RASGRP2: variants seen among roughly 807,000 people sequenced by gnomAD.
RASGRP2 encodes the protein RAS guanyl-releasing protein 2.
A neutral mutation model predicts 71.0 loss-of-function variants in RASGRP2; 44 were observed. That is an observed-to-expected ratio of 0.62 (90% CI 0.49 to 0.80). The LOEUF (loss-of-function observed/expected upper bound fraction) is 0.80, where lower values mean the gene tolerates loss of function less well. Ranked by LOEUF, RASGRP2 falls within the 30% of genes least tolerant of loss-of-function variation. RASGRP2 has a pLI of 0.00. For missense variants in RASGRP2, 663 were observed against 813.4 expected (o/e 0.82, Z 2.25); for synonymous variants, 350 against 330.7 (o/e 1.06, Z -0.63).
Position 64,739,183 on chromosome 11 carries a change from C to CT in RASGRP2, c.813+176dup, listed in dbSNP as rs1246121902. Among the ~76,000 whole-genome samples the CT allele has an allele frequency of 6.6e-6, 1 of 151,822 alleles. No homozygotes were observed. Among genetic ancestry groups the CT allele is most frequent in the Non-Finnish European group, 1.5e-5 (1 of 67,956 alleles). The stretch of plus-strand genomic sequence containing the variant: ...TACTAGCTTTGGGGTCCCTGACGAC[C>CT]TGTGAGCCCCCACTCTGCTGTTGCC... On this transcript the variant is annotated intron_variant, in intron 8 of 16. Transcript: ENST00000394432. This position sits in a 1 kb window ranked among gnomAD's most constrained non-coding sequence, Gnocchi z 4.2.
chr11:64,735,775 C>CT lies in RASGRP2; in HGVS notation c.1174-112dup. On this transcript the variant is annotated intron_variant, in intron 10 of 16. Coordinates refer to ENST00000394432, the MANE Select transcript of RASGRP2 (RefSeq NM_001098671.2). This position sits in a 1 kb window ranked among gnomAD's most constrained non-coding sequence, Gnocchi z 4.2. Reference sequence around the variant, plus strand: ...GGGAAGTCTGCCCAACACTACTGCCCTACCCCCAGGATGCCTCTGTCCTAC... The same window carrying CT: ...GGGAAGTCTGCCCAACACTACTGCCCTTACCCCCAGGATGCCTCTGTCCTAC... 1 of 1,493,752 alleles carries CT rather than the reference C, an allele frequency of 6.7e-7. No homozygotes were observed. The highest frequency in any genetic ancestry group is 9.1e-7 in the Non-Finnish European group (1 of 1,095,008). 92.5% of individuals were successfully genotyped at this position (1,493,752 alleles called of 1,614,324 possible).
Position 64,743,643 on chromosome 11 carries a change from T to C in RASGRP2, c.-72+360A>G. 2.4e-6 allele frequency: 1 copy of C among 422,224 alleles called. No homozygotes were observed. The highest frequency in any genetic ancestry group is 4.7e-6 in the Non-Finnish European group (1 of 212,300). The allele number at this position is 422,224 out of a possible 1,614,324, so 26.2% of individuals were successfully genotyped here. A position where few individuals can be genotyped will look rare whatever the true frequency, so the allele number is the denominator to read the frequency against. ...GTCCCAGGGGTCCCGGCTCAGCTTGTCCACAGGCCCTCTTCCTCCCTATCC... is the reference window on the plus strand; with the variant it reads ...GTCCCAGGGGTCCCGGCTCAGCTTGCCCACAGGCCCTCTTCCTCCCTATCC... On this transcript the variant is annotated intron_variant, in intron 1 of 16. Coordinates refer to ENST00000394432, the MANE Select transcript of RASGRP2 (RefSeq NM_001098671.2). The surrounding 1 kb of genome is among the most constrained non-coding windows in gnomAD (Gnocchi z 4.9).
intron 15 of RASGRP2, 49 bp from the exon 16 acceptor site, chr11:64,727,409 T>C: frequency 6.3e-7 from 1 of 1,580,048 alleles, no homozygotes; most frequent in Non-Finnish European, 8.7e-7. Context: ...TCCCTGGGAC[T>C]TCATCAACCC....
chr11:64,739,797 G>T lies in RASGRP2; in HGVS notation c.535C>A (p.His179Asn). Reference protein sequence around the residue: ...SFCKILFQDYHSFVTHGCTVD... With the variant: ...SFCKILFQDYNSFVTHGCTVD... ...GTGCAGCCATGAGTCACGAAACTGT[G>T]ATAGTCCTGAAACTGGGGGCATGAG... The change falls in exon 7 of 17, where the codon CAC (histidine) becomes AAC (asparagine). Residue 179 changes from histidine to asparagine, a missense_variant. His to Asn is a moderately conservative substitution (Grantham distance 68). Coordinates refer to ENST00000394432, the MANE Select transcript of RASGRP2 (RefSeq NM_001098671.2). This position sits in a 1 kb window ranked among gnomAD's most constrained non-coding sequence, Gnocchi z 4.2. 6.2e-7 allele frequency: 1 copy of T among 1,613,838 alleles called. No homozygotes were observed. The highest frequency in any genetic ancestry group is 8.5e-7 in the Non-Finnish European group (1 of 1,179,928).
At position 64,736,883 on chromosome 11, in the gene RASGRP2, A is replaced by C. The variant is rs367926669; in HGVS notation, c.965T>G (p.Leu322Arg). Residue 322 changes from leucine (L) to arginine (R), a missense_variant, in exon 9 of 17, where the codon CTG becomes CGG. Physicochemically the swap from Leu to Arg is moderately radical, Grantham distance 102 (BLOSUM62 -2). Coordinates refer to ENST00000394432, the MANE Select transcript of RASGRP2 (RefSeq NM_001098671.2). ...VALQLALPDW[L>R]DPARTRLNGA... ...GTTGAGCCGGGTCCGGGCTGGGTCCAGCCAGTCAGGCAGTGCCAGCTGCAG... is the reference window on the plus strand; with the variant it reads ...GTTGAGCCGGGTCCGGGCTGGGTCCCGCCAGTCAGGCAGTGCCAGCTGCAG... 2.7e-5 allele frequency: 43 copies of C among 1,613,898 alleles called. No individual in the cohort carries two copies. The highest frequency in any genetic ancestry group is 3.6e-5 in the Non-Finnish European group (43 of 1,180,038).
chr11:64,729,148 G>T, intron 14 of RASGRP2, 106 bp from the exon 15 acceptor site: 2 of 1,145,294 alleles, frequency 1.7e-6, no homozygotes, highest in Non-Finnish European at 2.5e-6. Flanking sequence ...TTCCTGAGCA[G>T]CTGCCCCACC....
rs75259448 is a variant in RASGRP2 at position 64,735,402 on chromosome 11, G to A, written c.1296+140C>T. On this transcript the variant is annotated intron_variant, in intron 11 of 16. Transcript: ENST00000394432. This position sits in a 1 kb window ranked among gnomAD's most constrained non-coding sequence, Gnocchi z 4.2. Reference sequence around the variant, plus strand: ...CCCTACCCAGGGGCACTTCAGCCCCGTGCAGCTGGCCTGCCAGGCCCTGTG... The same window carrying A: ...CCCTACCCAGGGGCACTTCAGCCCCATGCAGCTGGCCTGCCAGGCCCTGTG... 6.5e-4 allele frequency: 926 copies of A among 1,434,506 alleles called. 3 individuals are homozygous for A. In the African/African-American group the frequency reaches 0.012, roughly 18 times the overall value. The allele number at this position is 1,434,506 out of a possible 1,614,324, so 88.9% of individuals were successfully genotyped here.
Position 64,735,158 on chromosome 11 carries a change from C to A in RASGRP2, c.1366G>T (p.Gly456Trp). ...AAGGCGCTGAGGTAAGGGAAGTTCCCACGGATGATCTGGAATTCTTCCTGT... is the reference window on the plus strand; with the variant it reads ...AAGGCGCTGAGGTAAGGGAAGTTCCAACGGATGATCTGGAATTCTTCCTGT... ...ISQEEFQIIR[G>W]NFPYLSAFGD... The change falls in exon 12 of 17, where the codon GGG (glycine) becomes TGG (tryptophan). Residue 456 changes from glycine (G) to tryptophan (W), a missense_variant. Coordinates refer to ENST00000394432, the MANE Select transcript of RASGRP2 (RefSeq NM_001098671.2). The surrounding 1 kb of genome is among the most constrained non-coding windows in gnomAD (Gnocchi z 4.2). 6.2e-7 allele frequency: 1 copy of A among 1,614,226 alleles called. No homozygotes were observed. Among genetic ancestry groups the A allele is most frequent in the Non-Finnish European group, 8.5e-7 (1 of 1,180,046 alleles).
At position 64,742,959 on chromosome 11, in the gene RASGRP2, G is replaced by C; in HGVS notation, c.-71-22C>G. The C allele has an allele frequency of 6.6e-7, 1 of 1,519,950 alleles. No individual in the cohort carries two copies. Among genetic ancestry groups the C allele is most frequent in the Non-Finnish European group, 8.8e-7 (1 of 1,138,492 alleles). 94.2% of individuals were successfully genotyped at this position (1,519,950 alleles called of 1,614,324 possible). A position where few individuals can be genotyped will look rare whatever the true frequency, so the allele number is the denominator to read the frequency against. The stretch of plus-strand genomic sequence containing the variant: ...ACCCCTGTCCCGGGAGAGGCAGAGC[G>C]GGAGTCTGCGGAGTCGCGGGCGGGG... On this transcript the variant is annotated intron_variant, in intron 1 of 16. Coordinates refer to ENST00000394432, the MANE Select transcript of RASGRP2 (RefSeq NM_001098671.2). The surrounding 1 kb of genome is among the most constrained non-coding windows in gnomAD (Gnocchi z 4.7).
At position 64,740,053 on chromosome 11, in the gene RASGRP2, T is replaced by A; in HGVS notation, c.482A>T (p.His161Leu). 6.2e-7 allele frequency: 1 copy of A among 1,614,152 alleles called. No individual in the cohort carries two copies. ...GGAGCGATACTCCAAGTAGGTGAGA[T>A]GCTCCGCCAGCTCCATGGGCTCCAG... ...DHLEPMELAE[H>L]LTYLEYRSFC... Residue 161 changes from histidine to leucine, a missense_variant, in exon 6 of 17, where the codon CAT (histidine) becomes CTT (leucine). His to Leu is a moderately conservative substitution (Grantham distance 99). Coordinates refer to ENST00000394432, the MANE Select transcript of RASGRP2 (RefSeq NM_001098671.2).
intron 12 of RASGRP2, among the ~76,000 whole-genome samples, chr11:64,733,853 C>CTTTT (rs200730812): frequency 1.5e-5 from 2 of 135,650 alleles, no homozygotes; most frequent in Non-Finnish European, 3.1e-5. Context: ...CTTTTTTTTT[C>CTTTT]TTTTTTTTTT....
Position 64,741,501 on chromosome 11 carries a change from G to A in RASGRP2, c.177C>T (p.Ile59=), listed in dbSNP as rs758088479. The change falls in exon 4 of 17, where the codon ATC becomes ATT. Residue 59 remains isoleucine (I), a splice_region_variant and synonymous_variant. Coordinates refer to ENST00000394432, the MANE Select transcript of RASGRP2 (RefSeq NM_001098671.2). ...AGTTGTCCTTCCGGGATTGTTGGTA[G>A]GTGAAGGAGAGGGTTAAGGAGGCCG... The part of the protein sequence containing the change: ...SSQLAAKLLH[I]YQQSRKDNSN... 1.3e-6 allele frequency: 2 copies of A among 1,578,630 alleles called. No individual in the cohort carries two copies. Among genetic ancestry groups the A allele is most frequent in the East Asian group, 4.6e-5 (2 of 43,634 alleles).
At position 64,742,982 on chromosome 11, in the gene RASGRP2, G is replaced by A. The variant is rs1224447973; in HGVS notation, c.-71-45C>T. 3.3e-6 allele frequency: 5 copies of A among 1,508,414 alleles called. No individual in the cohort carries two copies. The highest frequency in any genetic ancestry group is 4.4e-6 in the Non-Finnish European group (5 of 1,132,958). The allele number at this position is 1,508,414 out of a possible 1,614,324, so 93.4% of individuals were successfully genotyped here. On this transcript the variant is annotated intron_variant, in intron 1 of 16. Transcript: ENST00000394432. The surrounding 1 kb of genome is among the most constrained non-coding windows in gnomAD (Gnocchi z 4.7). The stretch of plus-strand genomic sequence containing the variant: ...GCGGGAGTCTGCGGAGTCGCGGGCG[G>A]GGGAGCGGCCCCGCGGGCAGAAACG...
chr11:64,729,127 A>AG, intron 14 of RASGRP2, 85 bp from the exon 15 acceptor site: 1 of 1,385,246 alleles, frequency 7.2e-7, no homozygotes, highest in Non-Finnish European at 9.9e-7. Context: ...CCCCCCTACC[A>AG]GGAACCTTTG....
chr11:64,743,042 C>A lies in RASGRP2; in HGVS notation c.-71-105G>T. On this transcript the variant is annotated intron_variant, in intron 1 of 16. Transcript: ENST00000394432. This position sits in a 1 kb window ranked among gnomAD's most constrained non-coding sequence, Gnocchi z 4.9. Reference sequence around the variant, plus strand: ...GGGCACGCCCCCTGCTGGACAGGGGCGGAGTTGTCCCCCGCGGCCACTCCC... The same window carrying A: ...GGGCACGCCCCCTGCTGGACAGGGGAGGAGTTGTCCCCCGCGGCCACTCCC... 1 of 1,286,658 alleles carries A rather than the reference C, an allele frequency of 7.8e-7. No homozygotes were observed. Among genetic ancestry groups the A allele is most frequent in the Non-Finnish European group, 1.1e-6 (1 of 923,386 alleles). 79.7% of individuals were successfully genotyped at this position (1,286,658 alleles called of 1,614,324 possible). A position where few individuals can be genotyped will look rare whatever the true frequency, so the allele number is the denominator to read the frequency against.
rs2057910516 is a variant in RASGRP2, at chr11:64,735,662, T to C, written c.1176A>G (p.Pro392=). ...LQREPRSKSS[P]TSPTSCTPPP... ...GTGGGGTGCAACTCGTGGGGCTGGT[T>C]GGCTATGGAAATGGTCGGGCCTGAG... is the stretch of plus-strand genomic sequence containing the variant. The change falls in exon 11 of 17, where the codon CCA becomes CCG. Residue 392 remains proline (P), a splice_region_variant and synonymous_variant. Transcript: ENST00000394432. The surrounding 1 kb of genome is among the most constrained non-coding windows in gnomAD (Gnocchi z 4.2). 1 of 1,610,840 alleles carries C rather than the reference T, an allele frequency of 6.2e-7. No individual in the cohort carries two copies. The highest frequency in any genetic ancestry group is 1.7e-5 in the Admixed American group (1 of 59,348).
intron 4 of RASGRP2, 95 bp downstream of exon 4, chr11:64,741,344 C>G (rs1346165890): frequency 7.3e-7 from 1 of 1,371,454 alleles, no homozygotes; most frequent in African/African-American, 1.4e-5. Flanking sequence ...CAAACCCACT[C>G]CCAGAAACAG....
intron 12 of RASGRP2, among the ~76,000 whole-genome samples, chr11:64,732,112 G>C (rs1266334141): frequency 1.3e-5 from 2 of 152,168 alleles, no homozygotes; most frequent in Non-Finnish European, 2.9e-5. Flanking sequence ...TAACGAATGA[G>C]GTAGTTCTAC....
intron 5 of RASGRP2, chr11:64,740,617 G>A: frequency 1.5e-6 from 1 of 655,512 alleles, no homozygotes; most frequent in Admixed American, 2.2e-5. Context: ...CTTCATGCCT[G>A]AACTGAGTCT....
Sources: gnomAD v4.1 joint callset for allele counts (sites outside exome capture counted in the v4.1 genomes callset) on GRCh38, gnomAD v4.1.1 for gene constraint, Gnocchi (gnomAD v3.1) non-coding constraint, MANE v1.5 for transcripts, NCBI Gene and HGNC (gene_info 2026-07-23, HGNC 2026-07-21) for gene names.